Variants in LRMDA observed in about 807,000 individuals in gnomAD.
The protein encoded by LRMDA is leucine-rich melanocyte differentiation-associated protein.
LRMDA carries 18 observed loss-of-function variants against 29.8 expected under a neutral mutation model. The ratio of observed to expected loss-of-function variants is 0.60; its 90% CI spans 0.42 to 0.90. The LOEUF is 0.90. LRMDA is among the 40% of genes least tolerant of loss of function. The probability of loss-of-function intolerance (pLI) is 0.00; values close to 1 mark genes in which losing one functional copy is unlikely to be tolerated. For synonymous variants in LRMDA, 125 were observed against 109.4 expected (o/e 1.14, Z -0.89); for missense variants, 273 against 273.9 (o/e 1.00, Z 0.02).
At chr10:75,660,904 C>A (rs1421070592) in intron 2 of LRMDA, among the ~76,000 whole-genome samples, 1 of 152,158 alleles carries the variant, frequency 6.6e-6, no homozygotes, top group African/African-American at 2.4e-5. Context: ...ACACAAGTAT[C>A]TTAATTACTC....
At chr10:75,489,589 G>A (rs974571071) in intron 2 of LRMDA, among the ~76,000 whole-genome samples, 2 of 152,230 alleles carry the variant, frequency 1.3e-5, no homozygotes, top group Non-Finnish European at 1.5e-5. Flanking sequence ...GGAGTTTGAA[G>A]TAGGCTCTGA....
intron 4 of LRMDA, among the ~76,000 whole-genome samples, chr10:76,056,256 A>G (rs544839990): frequency 6.6e-6 from 1 of 152,234 alleles, no homozygotes; most frequent in East Asian, 1.9e-4. Flanking sequence ...TGGGGCTTTT[A>G]TGGGCATCAG....
chr10:75,941,627 G>T (rs149290860), intron 2 of LRMDA, among the ~76,000 whole-genome samples: 1 of 152,104 alleles, frequency 6.6e-6, no homozygotes, highest in African/African-American at 2.4e-5. Flanking sequence ...ATTGGCTTGG[G>T]TTGCCTAACA....
intron 2 of LRMDA, among the ~76,000 whole-genome samples, chr10:75,585,163 C>T (rs936146221): frequency 2.6e-5 from 4 of 152,212 alleles, no homozygotes; most frequent in Non-Finnish European, 4.4e-5. Context: ...CCCTTTCTCT[C>T]ACCAAGGGCA....
chr10:76,318,098 G>T (rs2758969), intron 5 of LRMDA, among the ~76,000 whole-genome samples: 95,983 of 152,016 alleles, frequency 0.63, 33,054 homozygotes, highest in Non-Finnish European at 0.8. Context: ...TTTTATTTTT[G>T]TCTTCTGTTA....
chr10:75,550,145 C>T (rs1840124633), intron 2 of LRMDA, among the ~76,000 whole-genome samples: 1 of 152,050 alleles, frequency 6.6e-6, no homozygotes, highest in Non-Finnish European at 1.5e-5. Context: ...TTCCATGGGC[C>T]CTTCAAAAGA....
At chr10:75,470,723 G>A (rs1015593051) in intron 2 of LRMDA, among the ~76,000 whole-genome samples, 3 of 152,136 alleles carry the variant, frequency 2.0e-5, no homozygotes, top group Non-Finnish European at 4.4e-5. Flanking sequence ...CCCTCAGTCT[G>A]AGCAGCCCCA....
rs558541475 is a variant in LRMDA at position 76,216,267 on chromosome 10, G to A, written c.517-108134G>A. On this transcript the variant is annotated intron_variant, in intron 5 of 6. Transcript: ENST00000611255. ...GCTACTTGGGAGGCTGAAACAGGAG[G>A]ATCACCTGAGCTCAGTAGTTTCAGG... 9.0e-4 allele frequency among the ~76,000 whole-genome samples: 137 copies of A among 152,264 alleles called. 1 individual carries two copies. Among genetic ancestry groups the A allele is most frequent in the African/African-American group, 2.9e-3 (121 of 41,572 alleles).
At position 76,153,077 on chromosome 10, in the gene LRMDA, G is replaced by C. The variant is rs559656246; in HGVS notation, c.516+94294G>C. Among the ~76,000 whole-genome samples the C allele has an allele frequency of 2.0e-5, 3 of 152,208 alleles. No individual in the cohort carries two copies. In the South Asian group the frequency reaches 6.2e-4, roughly 32 times the overall value. On this transcript the variant is annotated intron_variant, in intron 5 of 6. Coordinates refer to ENST00000611255, the MANE Select transcript of LRMDA (RefSeq NM_001305581.2). ...GCTGGTCTCGAACTCCTGACCTCGT[G>C]ATCTGCCCACCTCGGCCTCCCAAAG... is the stretch of plus-strand genomic sequence containing the variant.
intron 2 of LRMDA, among the ~76,000 whole-genome samples, chr10:75,618,511 T>TTATATA (rs59150541): frequency 1.4e-5 from 2 of 141,410 alleles, no homozygotes; most frequent in African/African-American, 2.6e-5. Flanking sequence ...ACCATATATA[T>TTATATA]TATATATATA....
chr10:76,369,012 C>G lies in LRMDA; in HGVS notation c.601+44527C>G, dbSNP rs142239569. 3.6e-3 allele frequency among the ~76,000 whole-genome samples: 544 copies of G among 152,238 alleles called. 2 individuals are homozygous for G. Among genetic ancestry groups the G allele is most frequent in the Middle Eastern group, 6.8e-3 (2 of 294 alleles). ...GAGTTCTTATGTGTTGGGTGAGTCTCCTGAAGGCAGCAGATAGTTGGTTGC... is the reference window on the plus strand; with the variant it reads ...GAGTTCTTATGTGTTGGGTGAGTCTGCTGAAGGCAGCAGATAGTTGGTTGC... On this transcript the variant is annotated intron_variant, in intron 6 of 6. Transcript: ENST00000611255.
At chr10:75,501,142 G>T (rs558858080) in intron 2 of LRMDA, among the ~76,000 whole-genome samples, 1 of 152,190 alleles carries the variant, frequency 6.6e-6, no homozygotes, top group African/African-American at 2.4e-5. Flanking sequence ...CAGGGTGTTG[G>T]GATACTGTTT....
chr10:76,311,773 G>C (rs1019227041), intron 5 of LRMDA, among the ~76,000 whole-genome samples: 1 of 152,096 alleles, frequency 6.6e-6, no homozygotes, highest in African/African-American at 2.4e-5. Context: ...AATTAAAATG[G>C]CCCTCTTAAA....
chr10:75,786,789 A>G (rs1843479132), intron 2 of LRMDA, among the ~76,000 whole-genome samples: 1 of 152,174 alleles, frequency 6.6e-6, no homozygotes, highest in Non-Finnish European at 1.5e-5. Flanking sequence ...CTTTTAGGTT[A>G]CAGCATCTTT....
chr10:76,411,555 T>G (rs1841961725), intron 6 of LRMDA, among the ~76,000 whole-genome samples: 1 of 152,236 alleles, frequency 6.6e-6, no homozygotes, highest in African/African-American at 2.4e-5. Flanking sequence ...TTCCTCACTA[T>G]TTTTCAAGTG....
At chr10:76,138,561 G>C (rs1338159469) in intron 5 of LRMDA, among the ~76,000 whole-genome samples, 1 of 152,060 alleles carries the variant, frequency 6.6e-6, no homozygotes. Flanking sequence ...CCTCATATTG[G>C]GACGCAGAGT....
At chr10:75,688,686 T>C (rs1842110580) in intron 2 of LRMDA, among the ~76,000 whole-genome samples, 1 of 152,232 alleles carries the variant, frequency 6.6e-6, no homozygotes, top group East Asian at 1.9e-4. Flanking sequence ...GGTGAAATAC[T>C]ATCAAACGGC....
chr10:76,525,967 C>T (rs1843170503), intron 6 of LRMDA, among the ~76,000 whole-genome samples: 1 of 152,140 alleles, frequency 6.6e-6, no homozygotes, highest in African/African-American at 2.4e-5. Flanking sequence ...TAGACTATAA[C>T]CAGCCAGCTC....
intron 5 of LRMDA, among the ~76,000 whole-genome samples, chr10:76,227,185 T>G (rs1281322262): frequency 1.3e-5 from 2 of 152,140 alleles, no homozygotes; most frequent in Non-Finnish European, 2.9e-5. Context: ...TTTAGAATGG[T>G]TTTTCATGTT....
Sources: gnomAD v4.1 joint callset for allele counts (sites outside exome capture counted in the v4.1 genomes callset) on GRCh38, gnomAD v4.1.1 for gene constraint, MANE v1.5 for transcripts, NCBI Gene and HGNC (gene_info 2026-07-23, HGNC 2026-07-21) for gene names.